DPP10: variants seen among roughly 807,000 people sequenced by gnomAD.
The protein encoded by DPP10 is inactive dipeptidyl peptidase 10.
Under a neutral mutation model 120.9 loss-of-function variants are expected in DPP10, and 33 were observed. The observed-to-expected ratio is 0.27, with a 90% CI of 0.21 to 0.37. The LOEUF (loss-of-function observed/expected upper bound fraction) is 0.37, where lower values mean the gene tolerates loss of function less well. Among genes scored for constraint, DPP10 ranks in the 10% least tolerant of loss-of-function variants. DPP10 has a pLI of 1.00. For synonymous variants in DPP10, 337 were observed against 326.1 expected (o/e 1.03, Z -0.36); for missense variants, 816 against 942.8 (o/e 0.87, Z 1.76).
intron 1 of DPP10, chr2:114,461,817 C>G: frequency 1.0e-6 from 1 of 985,178 alleles, no homozygotes; most frequent in Non-Finnish European, 1.2e-6. Context: ...CTGGTACATA[C>G]CAAATATGAT....
At chr2:115,689,058 A>C (rs1468530163) in intron 5 of DPP10, among the ~76,000 whole-genome samples, 1 of 152,236 alleles carries the variant, frequency 6.6e-6, no homozygotes, top group Non-Finnish European at 1.5e-5. Context: ...ATCTGACAAC[A>C]TTCTAGTAGG....
intron 1 of DPP10, among the ~76,000 whole-genome samples, chr2:115,261,117 GC>G: frequency 6.6e-6 from 1 of 152,268 alleles, no homozygotes; most frequent in South Asian, 2.1e-4. Flanking sequence ...AGTCTCTGTG[GC>G]TGAAGAAAAA....
At chr2:114,944,170 T>C (rs542998137) in intron 1 of DPP10, among the ~76,000 whole-genome samples, 1 of 152,302 alleles carries the variant, frequency 6.6e-6, no homozygotes, top group African/African-American at 2.4e-5. Flanking sequence ...AAATGTTCTT[T>C]CCCTGGGTAT....
chr2:114,497,069 A>G (rs1682593949), intron 1 of DPP10, among the ~76,000 whole-genome samples: 1 of 150,434 alleles, frequency 6.6e-6, no homozygotes, highest in African/African-American at 2.4e-5. Flanking sequence ...ATATACATAC[A>G]CATATACATA....
chr2:114,589,903 A>G (rs1270147549), intron 1 of DPP10, among the ~76,000 whole-genome samples: 1 of 152,072 alleles, frequency 6.6e-6, no homozygotes, highest in Non-Finnish European at 1.5e-5. Flanking sequence ...TTTTTACTCA[A>G]GCCAGCAAGC....
rs1394016882 is a variant in DPP10 at position 115,628,190 on chromosome 2, T to C, written c.442-61497T>C. Among the ~76,000 whole-genome samples, 3 of 152,166 alleles carry C rather than the reference T, an allele frequency of 2.0e-5. No individual in the cohort carries two copies. The East Asian group carries it at 5.8e-4, about 29-fold the overall frequency. ...CAGCTTCACCAGCTCTGTTCTTTCT[T>C]AAATTTTTAATAATCACCATTCTGA... On this transcript the variant is annotated intron_variant, in intron 5 of 25. Coordinates refer to ENST00000410059, the MANE Select transcript of DPP10 (RefSeq NM_020868.6).
chr2:115,166,383 T>C (rs949931911), intron 1 of DPP10, among the ~76,000 whole-genome samples: 7 of 150,674 alleles, frequency 4.6e-5, no homozygotes, highest in Non-Finnish European at 7.4e-5. Context: ...TTCTATATAA[T>C]TTGGTTATAA....
intron 1 of DPP10, among the ~76,000 whole-genome samples, chr2:115,157,001 T>C (rs1474128973): frequency 6.6e-6 from 1 of 152,080 alleles, no homozygotes; most frequent in Non-Finnish European, 1.5e-5. Flanking sequence ...ATGACAACTC[T>C]TAAAAAATAA....
intron 1 of DPP10, among the ~76,000 whole-genome samples, chr2:114,445,998 C>T (rs1677921936): frequency 6.6e-6 from 1 of 152,124 alleles, no homozygotes. Context: ...ACAAATCTTC[C>T]TGTGAAGGTA....
rs1276210904 is a variant in DPP10, at chr2:114,896,508, G to A, written c.61-412731G>A. Among the ~76,000 whole-genome samples the A allele has an allele frequency of 3.3e-5, 5 of 152,118 alleles. No homozygotes were observed. In the East Asian group the frequency reaches 7.7e-4, roughly 24 times the overall value. ...TTCTCTTTGAAGCAATTGTGAATGG[G>A]AGTTCACTCATGATTTGGCTCTCTG... is the stretch of plus-strand genomic sequence containing the variant. On this transcript the variant is annotated intron_variant, in intron 1 of 25. Transcript: ENST00000410059.
chr2:115,842,081 G>T, intron 25 of DPP10, 130 bp from the exon 26 acceptor site: 2 of 833,764 alleles, frequency 2.4e-6, no homozygotes, highest in African/African-American at 1.7e-5. Context: ...ATAACTTAGA[G>T]TAGAATTAGG....
intron 1 of DPP10, among the ~76,000 whole-genome samples, chr2:114,786,147 A>T (rs1001132881): frequency 6.6e-6 from 1 of 152,226 alleles, no homozygotes; most frequent in Admixed American, 6.5e-5. Flanking sequence ...CATAGAGCAG[A>T]GTCTCTCAGC....
intron 1 of DPP10, among the ~76,000 whole-genome samples, chr2:114,617,850 G>A (rs1397430304): frequency 6.6e-6 from 1 of 152,010 alleles, no homozygotes; most frequent in Non-Finnish European, 1.5e-5. Flanking sequence ...AGAGACTCTG[G>A]TTGTGTGTCT....
At chr2:114,841,444 G>A (rs907277737) in intron 1 of DPP10, among the ~76,000 whole-genome samples, 1 of 152,160 alleles carries the variant, frequency 6.6e-6, no homozygotes, top group African/African-American at 2.4e-5. Flanking sequence ...AAGTCAACCT[G>A]GGCATGATCC....
chr2:115,208,099 G>A (rs1311385865), intron 1 of DPP10, among the ~76,000 whole-genome samples: 2 of 151,532 alleles, frequency 1.3e-5, no homozygotes, highest in African/African-American at 4.8e-5. Flanking sequence ...TGGGCCAATT[G>A]AATAATCTTG....
chr2:115,193,459 T>G (rs2055026022), intron 1 of DPP10, among the ~76,000 whole-genome samples: 1 of 152,238 alleles, frequency 6.6e-6, no homozygotes, highest in Admixed American at 6.5e-5. Flanking sequence ...GTTGAAAACC[T>G]GTAAGTTTGG....
chr2:114,982,803 C>T (rs992813797), intron 1 of DPP10, among the ~76,000 whole-genome samples: 2 of 151,108 alleles, frequency 1.3e-5, no homozygotes, highest in African/African-American at 2.4e-5. Context: ...AATGGAGTTT[C>T]GCCATGTTGC....
intron 1 of DPP10, among the ~76,000 whole-genome samples, chr2:114,543,378 A>G (rs1172480001): frequency 6.6e-6 from 1 of 152,202 alleles, no homozygotes; most frequent in Non-Finnish European, 1.5e-5. Flanking sequence ...GCGTCCCTGA[A>G]GCAAAGCTAA....
chr2:115,001,643 T>C (rs1043250596), intron 1 of DPP10, among the ~76,000 whole-genome samples: 4 of 152,148 alleles, frequency 2.6e-5, no homozygotes, highest in Admixed American at 2.6e-4. Context: ...CTAGGAAACC[T>C]CATGGTCTCT....
Sources: allele counts gnomAD v4.1 joint callset (sites outside exome capture counted in the v4.1 genomes callset), GRCh38; gene constraint gnomAD v4.1.1; transcripts MANE v1.5; gene names NCBI Gene and HGNC (gene_info 2026-07-23, HGNC 2026-07-21).